Variants in RPL10A observed in about 807,000 individuals in gnomAD.
RPL10A encodes the protein large ribosomal subunit protein uL1.
Under a neutral mutation model 24.6 loss-of-function variants are expected in RPL10A, and 11 were observed. That is an observed-to-expected ratio of 0.45 (90% CI 0.28 to 0.74). The LOEUF is 0.74. Among genes scored for constraint, RPL10A ranks in the 30% least tolerant of loss-of-function variants. The pLI is 0.13. For missense variants in RPL10A, 136 were observed against 273.1 expected, an observed-to-expected ratio of 0.50 and a Z score of 3.54; for synonymous variants, 98 against 108.5, an observed-to-expected ratio of 0.90 and a Z score of 0.60.
rs751700653 is a variant in RPL10A at position 35,469,540 on chromosome 6, C to T, written c.310+11C>T. On this transcript the variant is annotated intron_variant, in intron 4 of 5. Transcript: ENST00000322203. ...TGGTCAAGAAGCTGGGTGAGTCCGGCCGCTGTGGTTTTGCATGTGAGATGT... is the reference window on the plus strand; with the variant it reads ...TGGTCAAGAAGCTGGGTGAGTCCGGTCGCTGTGGTTTTGCATGTGAGATGT... The T allele has an allele frequency of 6.2e-7, 1 of 1,610,468 alleles. No individual in the cohort carries two copies. The highest frequency in any genetic ancestry group is 1.1e-5 in the South Asian group (1 of 90,542).
intron 4 of RPL10A, 52 bp downstream of exon 4, chr6:35,469,581 G>A (rs1189154239): frequency 6.4e-7 from 1 of 1,566,512 alleles, no homozygotes. Flanking sequence ...GGGGGCGGTA[G>A]AAAGGCTTTT....
At position 35,470,175 on chromosome 6, in the gene RPL10A, T is replaced by C. The variant is rs1767999644; in HGVS notation, c.311-4T>C. 3.2e-5 allele frequency: 51 copies of C among 1,611,656 alleles called. No homozygotes were observed. The highest frequency in any genetic ancestry group is 4.2e-5 in the Non-Finnish European group (49 of 1,178,218). ...CAATGCCAATGGCTTCCTCTCTCTA[T>C]CAGCCAAGAAGTATGATGCGTTTTT... is the stretch of plus-strand genomic sequence containing the variant. On this transcript the variant is annotated splice_polypyrimidine_tract_variant and splice_region_variant and intron_variant, in intron 4 of 5. Transcript: ENST00000322203. The surrounding 1 kb of genome is among the most constrained non-coding windows in gnomAD (Gnocchi z 4.6).
chr6:35,468,402 G>A lies in RPL10A; in HGVS notation c.-33G>A, dbSNP rs760988484. Reference sequence around the variant, plus strand: ...TTGAGCGCATGCGCAAGACATGCTAGTCTCTTTTCCGGTTAGCGCGGCGTG... The same window carrying A: ...TTGAGCGCATGCGCAAGACATGCTAATCTCTTTTCCGGTTAGCGCGGCGTG... On this transcript the variant is annotated 5_prime_UTR_variant, in exon 1 of 6. Transcript: ENST00000322203. 3 of 1,614,106 alleles carry A rather than the reference G, an allele frequency of 1.9e-6. No individual in the cohort carries two copies. The highest frequency in any genetic ancestry group is 2.2e-5 in the South Asian group (2 of 91,088).
chr6:35,468,577 C>T, intron 1 of RPL10A, 138 bp downstream of exon 1: 4 of 1,582,586 alleles, frequency 2.5e-6, no homozygotes, highest in South Asian at 1.1e-5. Flanking sequence ...GGTCGGCCTG[C>T]GGGTCGCCCT....
chr6:35,469,634 A>G, intron 4 of RPL10A, 105 bp downstream of exon 4: 3 of 1,332,216 alleles, frequency 2.3e-6, no homozygotes, highest in Non-Finnish European at 3.0e-6. Context: ...CTAGAATAGC[A>G]AAGGATCGGC....
In RPL10A at chr6:35,469,518, T is replaced by C; in HGVS notation, c.299T>C (p.Val100Ala). ...AAACTCAACAAGAATAAAAAACTGGTCAAGAAGCTGGGTGAGTCCGGCCGC... is the reference window on the plus strand; with the variant it reads ...AAACTCAACAAGAATAAAAAACTGGCCAAGAAGCTGGGTGAGTCCGGCCGC... ...LKKLNKNKKL[V>A]KKLAKKYDAF... is the part of the protein sequence containing the mutation. Residue 100 changes from valine to alanine, a missense_variant, in exon 4 of 6, where the codon GTC (valine) becomes GCC (alanine). This residue lies in a region of RPL10A where 88 missense variants were observed against 149.2 expected (regional missense o/e 0.59). Transcript: ENST00000322203. 1 of 1,613,520 alleles carries C rather than the reference T, an allele frequency of 6.2e-7. No individual in the cohort carries two copies. The highest frequency in any genetic ancestry group is 1.1e-5 in the South Asian group (1 of 91,002).
intron 1 of RPL10A, 157 bp from the exon 2 acceptor site, chr6:35,468,642 G>A: frequency 6.6e-7 from 1 of 1,517,036 alleles, no homozygotes; most frequent in South Asian, 1.2e-5. Flanking sequence ...CTTGGGTCTG[G>A]GTCTGAGCTC....
chr6:35,469,579 T>C (rs924688589), intron 4 of RPL10A, 50 bp downstream of exon 4: 4 of 1,566,386 alleles, frequency 2.6e-6, no homozygotes, highest in African/African-American at 2.8e-5. Flanking sequence ...GTGGGGGCGG[T>C]AGAAAGGCTT....
chr6:35,468,519 C>T, intron 1 of RPL10A, 80 bp downstream of exon 1: 2 of 1,611,492 alleles, frequency 1.2e-6, no homozygotes, highest in Non-Finnish European at 1.7e-6. Context: ...CTGTAGGCCG[C>T]GCCGCGGACC....
At position 35,470,366 on chromosome 6, in the gene RPL10A, C is replaced by G. The variant is rs1297266807; in HGVS notation, c.483+15C>G. 11 of 1,597,448 alleles carry G rather than the reference C, an allele frequency of 6.9e-6. No homozygotes were observed. The highest frequency in any genetic ancestry group is 9.4e-6 in the Non-Finnish European group (11 of 1,176,350). ...AAATGAAGAAGGTGAGTGGGTCTGGCGGGTTGCTATGGGTGAAGGTGTTGG... is the reference window on the plus strand; with the variant it reads ...AAATGAAGAAGGTGAGTGGGTCTGGGGGGTTGCTATGGGTGAAGGTGTTGG... On this transcript the variant is annotated intron_variant, in intron 5 of 5. Transcript: ENST00000322203. This position sits in a 1 kb window ranked among gnomAD's most constrained non-coding sequence, Gnocchi z 4.6.
At chr6:35,469,048 A>G (rs1767957749) in intron 3 of RPL10A, 21 bp downstream of exon 3, 1 of 1,610,602 alleles carries the variant, frequency 6.2e-7, no homozygotes, top group Non-Finnish European at 8.5e-7. Flanking sequence ...TTCTGATCCC[A>G]CCCAGCCCTC....
intron 3 of RPL10A, 59 bp downstream of exon 3, chr6:35,469,086 C>A: frequency 6.3e-7 from 1 of 1,598,612 alleles, no homozygotes; most frequent in South Asian, 1.1e-5. Context: ...CCCTCCCCTG[C>A]AGGCTCCCGC....
rs777754902 is a variant in RPL10A, at chr6:35,469,404, A to T, written c.185A>T (p.Lys62Met). 1 of 1,610,928 alleles carries T rather than the reference A, an allele frequency of 6.2e-7. No individual in the cohort carries two copies. The highest frequency in any genetic ancestry group is 8.5e-7 in the Non-Finnish European group (1 of 1,179,430). Residue 62 changes from lysine (K) to methionine (M), a missense_variant, in exon 4 of 6, where the codon AAG (lysine) becomes ATG (methionine). Transcript: ENST00000322203. ...TVRLKSTPRPKFSVCVLGDQQ... is the reference protein window; with the variant it reads ...TVRLKSTPRPMFSVCVLGDQQ... ...AGGCTTAAGTCCACTCCCCGCCCTAAGTTCTCTGTGTGTGTCCTGGGGGAC... is the reference window on the plus strand; with the variant it reads ...AGGCTTAAGTCCACTCCCCGCCCTATGTTCTCTGTGTGTGTCCTGGGGGAC...
At chr6:35,468,702 C>T in intron 1 of RPL10A, 97 bp from the exon 2 acceptor site, 1 of 1,533,954 alleles carries the variant, frequency 6.5e-7, no homozygotes, top group Non-Finnish European at 8.8e-7. Flanking sequence ...CGCCGTGGGC[C>T]GCCCGCCCGT....
intron 3 of RPL10A, 23 bp downstream of exon 3, chr6:35,469,050 C>A: frequency 6.2e-7 from 1 of 1,610,812 alleles, no homozygotes; most frequent in African/African-American, 1.3e-5. Flanking sequence ...CTGATCCCAC[C>A]CAGCCCTCAG....
intron 1 of RPL10A, 111 bp downstream of exon 1, chr6:35,468,550 G>A (rs1767915181): frequency 1.2e-6 from 2 of 1,605,796 alleles, no homozygotes; most frequent in Non-Finnish European, 1.7e-6. Context: ...CTGCGCCGCG[G>A]GGCATTTCTC....
intron 2 of RPL10A, 33 bp from the exon 3 acceptor site, chr6:35,468,914 C>G: frequency 6.2e-7 from 1 of 1,613,586 alleles, no homozygotes. Context: ...TGGCGAGGGC[C>G]GGCGGGTGCT....
rs368607127 is a variant in RPL10A at position 35,468,867 on chromosome 6, G to A, written c.74G>A (p.Arg25His). The change falls in exon 2 of 6, where the codon CGC becomes CAC. Residue 25 changes from arginine (R) to histidine (H), a missense_variant. By Grantham distance (29) the Arg-to-His change is conservative. Around this residue, in one of 3 missense-constraint regions of RPL10A, gnomAD observed 88 missense variants for 149.2 expected, o/e 0.59. Coordinates refer to ENST00000322203, the MANE Select transcript of RPL10A (RefSeq NM_007104.5). ...REVLHGNQRK[R>H]RKFLETVELQ... Reference sequence around the variant, plus strand: ...GTCCTGCACGGGAACCAGCGCAAGCGCCGCAAGTGAGTGCCGACCCTGGGG... The same window carrying A: ...GTCCTGCACGGGAACCAGCGCAAGCACCGCAAGTGAGTGCCGACCCTGGGG... 40 of 1,612,618 alleles carry A rather than the reference G, an allele frequency of 2.5e-5. No homozygotes were observed. The highest frequency in any genetic ancestry group is 3.2e-5 in the Non-Finnish European group (38 of 1,179,464).
In RPL10A at chr6:35,469,493, AAACTC is replaced by A; in HGVS notation, c.278_282del (p.Leu93GlnfsTer3). ...CCACATGGACATCGAGGCGCTGAAA[AAACTC>A]AACAAGAATAAAAAACTGGTCAAGA... On this transcript the variant is annotated frameshift_variant, in exon 4 of 6. Coordinates refer to ENST00000322203, the MANE Select transcript of RPL10A (RefSeq NM_007104.5). LOFTEE classifies it high-confidence loss of function. The A allele has an allele frequency of 1.9e-6, 3 of 1,614,042 alleles. No individual in the cohort carries two copies. Among genetic ancestry groups the A allele is most frequent in the African/African-American group, 1.3e-5 (1 of 75,038 alleles).
Sources: allele counts gnomAD v4.1 joint callset, GRCh38; gene constraint gnomAD v4.1.1; regional missense constraint gnomAD v4.1.1; non-coding constraint Gnocchi (gnomAD v3.1); transcripts MANE v1.5; gene names NCBI Gene and HGNC (gene_info 2026-07-23, HGNC 2026-07-21).